The following SOHLH2 variants were observed in gnomAD, a reference collection of about 807,000 sequenced individuals.
SOHLH2 encodes the protein spermatogenesis- and oogenesis-specific basic helix-loop-helix-containing protein 2.
SOHLH2 carries 22 observed loss-of-function variants against 50.4 expected under a neutral mutation model. That is an observed-to-expected ratio of 0.44 (90% CI 0.31 to 0.62). The LOEUF is 0.62. Among genes scored for constraint, SOHLH2 ranks in the 20% least tolerant of loss-of-function variants. SOHLH2 has a pLI of 0.08. For synonymous variants in SOHLH2, 185 were observed against 187.3 expected, an observed-to-expected ratio of 0.99 and a Z score of 0.10; for missense variants, 412 against 504.4, an observed-to-expected ratio of 0.82 and a Z score of 1.76.
chr13:36,178,901 C>G (rs748663707), intron 6 of SOHLH2, among the ~76,000 whole-genome samples: 10 of 141,764 alleles, frequency 7.1e-5, no homozygotes, highest in African/African-American at 1.1e-4. Context: ...TTTATATTTT[C>G]ATTTTATAAT....
intron 6 of SOHLH2, among the ~76,000 whole-genome samples, chr13:36,178,476 C>G (rs568700491): frequency 7.2e-4 from 110 of 152,182 alleles, no homozygotes; most frequent in African/African-American, 2.5e-3. Flanking sequence ...TTCCATTGAT[C>G]TATTTGTCAA....
chr13:36,171,291 T>A (rs1215306638), intron 9 of SOHLH2, among the ~76,000 whole-genome samples: 1 of 152,214 alleles, frequency 6.6e-6, no homozygotes, highest in Non-Finnish European at 1.5e-5. Context: ...ATGTCTACTT[T>A]AAATACAAAT....
At chr13:36,210,440 AT>A (rs377451409) in intron 1 of SOHLH2, among the ~76,000 whole-genome samples, 6,286 of 146,812 alleles carry the variant, frequency 0.043, 137 homozygotes, top group South Asian at 0.12. Flanking sequence ...TTTACTGTGT[AT>A]TTTTTTTTTT....
chr13:36,195,959 AG>A (rs1887710536), intron 2 of SOHLH2, among the ~76,000 whole-genome samples: 1 of 152,014 alleles, frequency 6.6e-6, no homozygotes, highest in Non-Finnish European at 1.5e-5. Flanking sequence ...CCAAATGTGG[AG>A]GTAAGAAAGG....
chr13:36,213,301 A>AT (rs1247107910), intron 1 of SOHLH2, among the ~76,000 whole-genome samples: 2 of 152,130 alleles, frequency 1.3e-5, no homozygotes, highest in Non-Finnish European at 2.9e-5. Context: ...ATAAAATACT[A>AT]TTTTTCCTTA....
chr13:36,213,855 A>C (rs574393427), intron 1 of SOHLH2, among the ~76,000 whole-genome samples: 1 of 152,142 alleles, frequency 6.6e-6, no homozygotes, highest in Non-Finnish European at 1.5e-5. Flanking sequence ...CCAGCTGTGC[A>C]GAGACGGGAA....
At chr13:36,171,281 A>G (rs1210361074) in intron 9 of SOHLH2, among the ~76,000 whole-genome samples, 2 of 152,234 alleles carry the variant, frequency 1.3e-5, no homozygotes, top group Non-Finnish European at 2.9e-5. Flanking sequence ...ATATAATGGT[A>G]TGTCTACTTT....
At chr13:36,174,967 G>C (rs1387287055) in intron 6 of SOHLH2, 98 bp from the exon 7 acceptor site, 1 of 1,468,402 alleles carries the variant, frequency 6.8e-7, no homozygotes, top group Non-Finnish European at 9.0e-7. Context: ...GTTTGTAAAG[G>C]AACCATCCCC....
At chr13:36,177,486 C>G in intron 6 of SOHLH2, among the ~76,000 whole-genome samples, 1 of 152,076 alleles carries the variant, frequency 6.6e-6, no homozygotes, top group African/African-American at 2.4e-5. Context: ...ACAGGCAGAA[C>G]TCTTACCACA....
intron 1 of SOHLH2, among the ~76,000 whole-genome samples, chr13:36,212,414 A>T (rs990213182): frequency 2.6e-5 from 4 of 152,234 alleles, no homozygotes; most frequent in African/African-American, 9.6e-5. Flanking sequence ...AATTAACAGA[A>T]TAGTTTATAA....
In SOHLH2 at chr13:36,168,959, C is replaced by A. The variant is rs545183807; in HGVS notation, c.*75G>T. ...TTTGGGTGGAGCTTTCAAAATCATT[C>A]TTTGTTCCACTTTTCCTAGATTGTC... is the stretch of plus-strand genomic sequence containing the variant. On this transcript the variant is annotated 3_prime_UTR_variant, in exon 11 of 11. Transcript: ENST00000379881. The A allele has an allele frequency of 6.4e-7, 1 of 1,559,842 alleles. No individual in the cohort carries two copies. Among genetic ancestry groups the A allele is most frequent in the Admixed American group, 2.0e-5 (1 of 49,568 alleles).
intron 6 of SOHLH2, among the ~76,000 whole-genome samples, chr13:36,181,029 G>T (rs896474391): frequency 1.3e-5 from 2 of 152,016 alleles, no homozygotes; most frequent in East Asian, 3.9e-4. Flanking sequence ...GTAAATTTTT[G>T]ATCCAAATAT....
At chr13:36,199,924 A>G (rs2138314899) in intron 2 of SOHLH2, among the ~76,000 whole-genome samples, 1 of 152,380 alleles carries the variant, frequency 6.6e-6, no homozygotes, top group African/African-American at 2.4e-5. Context: ...GCTCTTTCAA[A>G]ACCATATCTA....
intron 1 of SOHLH2, among the ~76,000 whole-genome samples, chr13:36,203,073 CCTTT>C (rs1868521813): frequency 6.6e-6 from 1 of 152,156 alleles, no homozygotes; most frequent in Non-Finnish European, 1.5e-5. Flanking sequence ...TAATTTTCTT[CCTTT>C]TTTTTATAAA....
chr13:36,206,734 T>C (rs774892950), intron 1 of SOHLH2, among the ~76,000 whole-genome samples: 8 of 151,916 alleles, frequency 5.3e-5, no homozygotes, highest in Non-Finnish European at 1.0e-4. Flanking sequence ...TACTTGATCT[T>C]TCCGTTTATG....
At chr13:36,185,442 G>A (rs1296512968) in intron 6 of SOHLH2, among the ~76,000 whole-genome samples, 2 of 151,942 alleles carry the variant, frequency 1.3e-5, no homozygotes, top group South Asian at 2.1e-4. Flanking sequence ...ACTCCAGCCT[G>A]GGTGACAGAG....
chr13:36,202,616 G>C (rs569511156), intron 1 of SOHLH2, among the ~76,000 whole-genome samples: 3 of 152,152 alleles, frequency 2.0e-5, no homozygotes, highest in Non-Finnish European at 4.4e-5. Context: ...AACCAAAAAG[G>C]CCATTTGCAT....
intron 6 of SOHLH2, chr13:36,183,049 T>C (rs549929423): frequency 1.6e-4 from 34 of 211,380 alleles, no homozygotes; most frequent in African/African-American, 7.0e-4. Flanking sequence ...CAAGATCTGG[T>C]GGTTTAAAAG....
intron 1 of SOHLH2, among the ~76,000 whole-genome samples, chr13:36,207,932 G>T (rs1035472692): frequency 6.6e-6 from 1 of 152,108 alleles, no homozygotes; most frequent in Admixed American, 6.6e-5. Flanking sequence ...CACCTTGGTC[G>T]CTTGGTTAAG....
Sources: gnomAD v4.1 joint callset for allele counts (sites outside exome capture counted in the v4.1 genomes callset) on GRCh38, gnomAD v4.1.1 for gene constraint, MANE v1.5 for transcripts, NCBI Gene and HGNC (gene_info 2026-07-23, HGNC 2026-07-21) for gene names.